Variants in CFAP221 observed in about 807,000 individuals in gnomAD.
CFAP221 encodes cilia and flagella associated protein 221, also known as cilia- and flagella-associated protein 221.
CFAP221 carries 97 observed loss-of-function variants against 113.1 expected under a neutral mutation model. That is an observed-to-expected ratio of 0.86 (90% confidence interval 0.73 to 1.02). The LOEUF (loss-of-function observed/expected upper bound fraction) is 1.02. Ranked by LOEUF, CFAP221 falls within the 50% of genes least tolerant of loss-of-function variation. CFAP221 has a pLI of 0.00. For missense variants in CFAP221, 1,025 were observed against 1,013.4 expected (o/e 1.01, Z -0.16); for synonymous variants, 331 against 354.4 (o/e 0.93, Z 0.74).
intron 6 of CFAP221, among the ~76,000 whole-genome samples, chr2:119,565,415 T>C (rs1681551526): frequency 6.6e-6 from 1 of 152,188 alleles, no homozygotes; most frequent in Non-Finnish European, 1.5e-5. Context: ...CTCTATAAAT[T>C]ACTTTTTGTT....
chr2:119,622,555 G>C (rs1686005178), intron 14 of CFAP221, among the ~76,000 whole-genome samples: 1 of 152,040 alleles, frequency 6.6e-6, no homozygotes, highest in South Asian at 2.1e-4. Flanking sequence ...ACCTGACAGA[G>C]ACACAACAAA....
intron 8 of CFAP221, among the ~76,000 whole-genome samples, chr2:119,604,357 C>T (rs1016525178): frequency 6.6e-6 from 1 of 151,852 alleles, no homozygotes; most frequent in African/African-American, 2.4e-5. Flanking sequence ...TCACTTGAAC[C>T]CGGGAGGCAG....
At chr2:119,656,059 T>C (rs1688414851) in intron 23 of CFAP221, 2 of 339,016 alleles carry the variant, frequency 5.9e-6, no homozygotes, top group East Asian at 1.2e-4. Flanking sequence ...TCATTTCACC[T>C]TTGCTACAAT....
chr2:119,626,871 A>C (rs1019557056), intron 15 of CFAP221, among the ~76,000 whole-genome samples: 7 of 151,902 alleles, frequency 4.6e-5, no homozygotes, highest in African/African-American at 1.7e-4. Context: ...TCAAGGTTGC[A>C]GTAAGCTATG....
At chr2:119,567,432 C>T (rs554452937) in intron 6 of CFAP221, among the ~76,000 whole-genome samples, 1 of 152,294 alleles carries the variant, frequency 6.6e-6, no homozygotes, top group South Asian at 2.1e-4. Context: ...TCCTCCATAT[C>T]TTTTCAGGGC....
chr2:119,641,352 C>G (rs188326917), intron 21 of CFAP221, among the ~76,000 whole-genome samples: 1 of 152,292 alleles, frequency 6.6e-6, no homozygotes, highest in East Asian at 1.9e-4. Flanking sequence ...ATACTTCATC[C>G]TTTCCTCAAC....
At chr2:119,643,148 T>C (rs904248831) in intron 21 of CFAP221, among the ~76,000 whole-genome samples, 10 of 152,208 alleles carry the variant, frequency 6.6e-5, no homozygotes, top group Admixed American at 5.9e-4. Flanking sequence ...CCATAGCAAC[T>C]TCCTATAAAT....
chr2:119,645,260 T>G (rs1162035420), intron 21 of CFAP221, among the ~76,000 whole-genome samples: 1 of 151,754 alleles, frequency 6.6e-6, no homozygotes, highest in Non-Finnish European at 1.5e-5. Context: ...TTAATTTTAT[T>G]TTTTCAATAT....
intron 6 of CFAP221, among the ~76,000 whole-genome samples, chr2:119,568,905 C>G (rs922749696): frequency 2.6e-5 from 4 of 152,104 alleles, no homozygotes; most frequent in Admixed American, 6.6e-5. Context: ...AACAAATTCC[C>G]TTGGTCATTT....
intron 6 of CFAP221, chr2:119,572,572 C>T: frequency 2.9e-6 from 2 of 701,106 alleles, no homozygotes; most frequent in Non-Finnish European, 5.2e-6. Context: ...TACCAGATAA[C>T]TAGTTGAAAC....
intron 19 of CFAP221, among the ~76,000 whole-genome samples, chr2:119,637,600 A>G (rs1002470729): frequency 1.3e-5 from 2 of 152,082 alleles, no homozygotes; most frequent in Admixed American, 1.3e-4. Flanking sequence ...GGACAAGAAT[A>G]GGGTTTTTGT....
rs1280749985 is a variant in CFAP221, at chr2:119,636,078, ACTCT to A, written c.1975-2180_1975-2177del. Among the ~76,000 whole-genome samples the A allele has an allele frequency of 6.0e-3, 912 of 152,254 alleles. 5 individuals carry two copies. The highest frequency in any genetic ancestry group is 0.027 in the South Asian group (130 of 4,822). On this transcript the variant is annotated intron_variant, in intron 19 of 23. Coordinates refer to ENST00000413369, the MANE Select transcript of CFAP221 (RefSeq NM_001271049.2). ...TAATCCATTTGGCCTTGATACCAGAACTCTTCTCTAACGGTGGCCCAGAGGTCAT... is the reference window on the plus strand; with the variant it reads ...TAATCCATTTGGCCTTGATACCAGAATCTCTAACGGTGGCCCAGAGGTCAT...
chr2:119,591,505 A>G (rs1005752059), intron 7 of CFAP221, among the ~76,000 whole-genome samples: 1 of 152,254 alleles, frequency 6.6e-6, no homozygotes, highest in Non-Finnish European at 1.5e-5. Context: ...ACTAATTGTT[A>G]GCCGCATGCC....
intron 6 of CFAP221, among the ~76,000 whole-genome samples, chr2:119,585,621 A>C (rs1683166083): frequency 6.6e-6 from 1 of 152,192 alleles, no homozygotes; most frequent in African/African-American, 2.4e-5. Context: ...TTATATTTGA[A>C]ATATTTCACA....
intron 8 of CFAP221, 103 bp from the exon 9 acceptor site, chr2:119,604,569 A>T (rs1684592676): frequency 9.0e-7 from 1 of 1,113,640 alleles, no homozygotes; most frequent in Non-Finnish European, 1.2e-6. Flanking sequence ...GTTTAGGTAT[A>T]ATAAGGGACT....
At chr2:119,641,313 G>C (rs954064035) in intron 21 of CFAP221, among the ~76,000 whole-genome samples, 2 of 152,166 alleles carry the variant, frequency 1.3e-5, no homozygotes, top group Non-Finnish European at 2.9e-5. Context: ...CATGGCAAGA[G>C]CTCAAAAATA....
chr2:119,641,675 G>A (rs1051876756), intron 21 of CFAP221, among the ~76,000 whole-genome samples: 7 of 152,188 alleles, frequency 4.6e-5, no homozygotes, highest in Non-Finnish European at 7.3e-5. Context: ...ATCATGCCTG[G>A]TGCATGCTTA....
intron 7 of CFAP221, among the ~76,000 whole-genome samples, chr2:119,593,710 G>A (rs1683752488): frequency 6.6e-6 from 1 of 152,110 alleles, no homozygotes; most frequent in South Asian, 2.1e-4. Context: ...GTAGTGACGG[G>A]CGCCTATAGT....
chr2:119,647,219 C>T (rs963745943), intron 22 of CFAP221, among the ~76,000 whole-genome samples, 169 bp downstream of exon 22: 6 of 152,080 alleles, frequency 3.9e-5, no homozygotes, highest in African/African-American at 9.7e-5. Flanking sequence ...ATGTTAAATT[C>T]GTGGTGGAGA....
Sources: allele counts gnomAD v4.1 joint callset (sites outside exome capture counted in the v4.1 genomes callset), GRCh38; gene constraint gnomAD v4.1.1; transcripts MANE v1.5; gene names NCBI Gene and HGNC (gene_info 2026-07-23, HGNC 2026-07-21).